Variants in VSTM2A observed in about 807,000 individuals in gnomAD.
The protein encoded by VSTM2A is V-set and transmembrane domain-containing protein 2A.
A neutral mutation model predicts 27.3 loss-of-function variants in VSTM2A; 13 were observed. That is an observed-to-expected ratio of 0.48 (90% CI 0.31 to 0.76). The LOEUF is 0.76. VSTM2A is among the 30% of genes least tolerant of loss of function. The pLI is 0.05. For missense variants in VSTM2A, 280 were observed against 310.0 expected, an observed-to-expected ratio of 0.90 and a Z score of 0.73; for synonymous variants, 142 against 125.7, an observed-to-expected ratio of 1.13 and a Z score of -0.87.
chr7:54,563,649 C>T (rs1788630502), intron 4 of VSTM2A, among the ~76,000 whole-genome samples: 1 of 152,084 alleles, frequency 6.6e-6, no homozygotes, highest in Admixed American at 6.5e-5. Context: ...GGAGTGGCAC[C>T]CATGCACCCT....
chr7:54,559,599 G>A (rs1788485226), intron 4 of VSTM2A: 2 of 152,146 alleles, frequency 1.3e-5, no homozygotes, highest in South Asian at 4.1e-4. Context: ...GTACTCACAA[G>A]CCTTTAGATT....
intron 4 of VSTM2A, among the ~76,000 whole-genome samples, chr7:54,562,478 G>C (rs1004276985): frequency 3.3e-5 from 5 of 152,288 alleles, no homozygotes; most frequent in African/African-American, 1.2e-4. Flanking sequence ...GCGTGGATAA[G>C]GAGAGGTATT....
intron 4 of VSTM2A, among the ~76,000 whole-genome samples, chr7:54,552,871 G>C (rs987546207): frequency 6.6e-6 from 1 of 152,126 alleles, no homozygotes; most frequent in African/African-American, 2.4e-5. Flanking sequence ...ACAAAAGCTG[G>C]CCCGTTTGGC....
At chr7:54,546,794 T>C in intron 2 of VSTM2A, 153 bp from the exon 3 acceptor site, 3 of 807,322 alleles carry the variant, frequency 3.7e-6, no homozygotes, top group Non-Finnish European at 5.6e-6. Flanking sequence ...CGGTGCGGTC[T>C]GGGCCTGGAC....
intron 4 of VSTM2A, among the ~76,000 whole-genome samples, chr7:54,554,734 T>C (rs1317856203): frequency 3.3e-5 from 5 of 152,184 alleles, no homozygotes; most frequent in African/African-American, 1.2e-4. Context: ...GCCAAGGACC[T>C]TGGTGTGCGA....
intron 4 of VSTM2A, among the ~76,000 whole-genome samples, chr7:54,567,427 G>C (rs918520265): frequency 6.6e-6 from 1 of 150,898 alleles, no homozygotes; most frequent in African/African-American, 2.5e-5. Flanking sequence ...GCACATGCTG[G>C]ATATAGTATG....
At chr7:54,559,931 T>C (rs929898118) in intron 4 of VSTM2A, 1 of 152,110 alleles carries the variant, frequency 6.6e-6, no homozygotes, top group South Asian at 2.1e-4. Context: ...GCCATGTGCA[T>C]AGAAAAATAA....
At chr7:54,558,523 C>T (rs1299266578) in intron 4 of VSTM2A, 1 of 152,152 alleles carries the variant, frequency 6.6e-6, no homozygotes, top group East Asian at 1.9e-4. Flanking sequence ...GAGAGTAAAC[C>T]TAGCATGTGA....
At chr7:54,564,292 C>T (rs1788654968) in intron 4 of VSTM2A, among the ~76,000 whole-genome samples, 1 of 152,110 alleles carries the variant, frequency 6.6e-6, no homozygotes, top group South Asian at 2.1e-4. Context: ...AGTGGGGTGA[C>T]GAGTGGGGGT....
At chr7:54,565,155 G>T (rs1788682662) in intron 4 of VSTM2A, among the ~76,000 whole-genome samples, 1 of 139,434 alleles carries the variant, frequency 7.2e-6, no homozygotes, top group Admixed American at 7.3e-5. Flanking sequence ...GTTTCCGAAA[G>T]CGGCAGATTT....
intron 4 of VSTM2A, chr7:54,553,961 C>T (rs918290605): frequency 3.2e-6 from 5 of 1,552,294 alleles, no homozygotes; most frequent in Non-Finnish European, 3.5e-6. Flanking sequence ...CTACTGACCC[C>T]CTTCCCACCT....
chr7:54,563,505 T>G (rs1321161432), intron 4 of VSTM2A, among the ~76,000 whole-genome samples: 1 of 152,194 alleles, frequency 6.6e-6, no homozygotes, highest in Non-Finnish European at 1.5e-5. Flanking sequence ...TGTTTTCAGA[T>G]GTGCAGTGTC....
rs1164785047 is a variant in VSTM2A at position 54,569,665 on chromosome 7, G to T, written c.*446G>T. The T allele has an allele frequency of 3.8e-5, 6 of 157,184 alleles. No individual in the cohort carries two copies. Among genetic ancestry groups the T allele is most frequent in the Non-Finnish European group, 5.6e-5 (4 of 71,294 alleles). 9.7% of individuals were successfully genotyped at this position (157,184 alleles called of 1,614,324 possible). A position where few individuals can be genotyped will look rare whatever the true frequency, so the allele number is the denominator to read the frequency against. ...TTTTTATTTTCCCCTTTTTTTCTTG[G>T]ATTTTTCTTCTTTTTCTTGATTACA... On this transcript the variant is annotated 3_prime_UTR_variant, in exon 5 of 5. Coordinates refer to ENST00000402613, the MANE Select transcript of VSTM2A (RefSeq NM_001301009.2).
At position 54,553,508 on chromosome 7, in the gene VSTM2A, A is replaced by G. The variant is rs539195223; in HGVS notation, c.634+3338A>G. On this transcript the variant is annotated intron_variant, in intron 4 of 4. Coordinates refer to ENST00000402613, the MANE Select transcript of VSTM2A (RefSeq NM_001301009.2). The stretch of plus-strand genomic sequence containing the variant: ...AAGAAGCTTATCAAGAGAAGATGCC[A>G]ATAAATATGATGTTATCAGGAAAGC... Among the ~76,000 whole-genome samples the G allele has an allele frequency of 3.9e-5, 6 of 152,324 alleles. No homozygotes were observed. The East Asian group carries it at 9.6e-4, about 24-fold the overall frequency.
At chr7:54,545,765 G>C (rs1442099851) in intron 2 of VSTM2A, among the ~76,000 whole-genome samples, 5 of 107,468 alleles carry the variant, frequency 4.7e-5, no homozygotes, top group Admixed American at 2.9e-4. Context: ...GGCAGGGAGA[G>C]AGAAAGGAGA....
chr7:54,564,353 C>A (rs1788656414), intron 4 of VSTM2A, among the ~76,000 whole-genome samples: 1 of 151,972 alleles, frequency 6.6e-6, no homozygotes, highest in South Asian at 2.1e-4. Flanking sequence ...CATTAGATAC[C>A]CAGACAAGAA....
chr7:54,558,595 A>G (rs1295029409), intron 4 of VSTM2A: 2 of 152,174 alleles, frequency 1.3e-5, no homozygotes, highest in Non-Finnish European at 2.9e-5. Flanking sequence ...ATATGCTACA[A>G]AATAACTATT....
chr7:54,568,293 C>T (rs917152372), intron 4 of VSTM2A, among the ~76,000 whole-genome samples: 12 of 152,176 alleles, frequency 7.9e-5, no homozygotes, highest in African/African-American at 2.7e-4. Flanking sequence ...TTACCCCCTT[C>T]GAACACATTT....
At chr7:54,543,060 G>A (rs1163017551) in intron 1 of VSTM2A, among the ~76,000 whole-genome samples, 15 of 152,076 alleles carry the variant, frequency 9.9e-5, no homozygotes, top group Admixed American at 9.8e-4. Context: ...ACAGGGTCGT[G>A]TGGTGTGTGT....
Sources: gnomAD v4.1 joint callset for allele counts (sites outside exome capture counted in the v4.1 genomes callset) on GRCh38, gnomAD v4.1.1 for gene constraint, MANE v1.5 for transcripts, NCBI Gene and HGNC (gene_info 2026-07-23, HGNC 2026-07-21) for gene names.